Variants in HSPA2 observed in about 807,000 individuals in gnomAD.
The protein encoded by HSPA2 is heat shock-related 70 kDa protein 2.
Under a neutral mutation model 35.0 loss-of-function variants are expected in HSPA2, and 13 were observed. That is an observed-to-expected ratio of 0.37 (90% CI 0.24 to 0.59). The LOEUF (loss-of-function observed/expected upper bound fraction) is 0.59, where lower values mean the gene tolerates loss of function less well. HSPA2 is among the 20% of genes least tolerant of loss of function. The pLI, the probability that HSPA2 is intolerant of heterozygous loss-of-function variation, is 0.70. For synonymous variants in HSPA2, 368 were observed against 382.1 expected (o/e 0.96, Z 0.43); for missense variants, 565 against 885.4 (o/e 0.64, Z 4.59).
chr14:64,541,280 T>C lies in HSPA2; in HGVS notation c.431T>C (p.Val144Ala), dbSNP rs1313063349. 1 of 1,613,610 alleles carries C rather than the reference T, an allele frequency of 6.2e-7. No homozygotes were observed. Among genetic ancestry groups the C allele is most frequent in the Non-Finnish European group, 8.5e-7 (1 of 1,180,026 alleles). Residue 144 changes from valine (V) to alanine (A), a missense_variant, in exon 1 of 1, where the codon GTC (valine) becomes GCC (alanine). By Grantham distance (64) the Val-to-Ala change is moderately conservative (BLOSUM62 0). Around this residue, in one of 4 missense-constraint regions of HSPA2, gnomAD observed 183 missense variants for 281.6 expected, o/e 0.65. Coordinates refer to ENST00000247207, the MANE Select transcript of HSPA2 (RefSeq NM_021979.4). ...CTGGGGGGCAAGGTGCACAGCGCGG[T>C]CATAACGGTCCCGGCCTATTTCAAC... ...AYLGGKVHSAVITVPAYFNDS... is the reference protein window; with the variant it reads ...AYLGGKVHSAAITVPAYFNDS...
Position 64,541,623 on chromosome 14 carries a change from C to T in HSPA2, c.774C>T (p.Pro258=). 1 of 1,611,338 alleles carries T rather than the reference C, an allele frequency of 6.2e-7. No homozygotes were observed. Among genetic ancestry groups the T allele is most frequent in the Non-Finnish European group, 8.5e-7 (1 of 1,179,852 alleles). ...GCAAGCACAAGAAGGACATTGGGCC[C>T]AACAAGCGCGCCGTGAGGCGGCTGC... ...FKRKHKKDIG[P]NKRAVRRLRT... Residue 258 remains proline (P), a synonymous_variant, in exon 1 of 1, where the codon CCC becomes CCT. Coordinates refer to ENST00000247207, the MANE Select transcript of HSPA2 (RefSeq NM_021979.4).
At chr14:64,536,618 G>T (rs1174168641), upstream of HSPA2, among the ~76,000 whole-genome samples, 3 of 152,082 alleles carry the variant, frequency 2.0e-5, no homozygotes, top group East Asian at 5.8e-4. Context: ...AAATTAGCCG[G>T]GCTTGGTGGT....
chr14:64,541,420 T>C lies in HSPA2; in HGVS notation c.571T>C (p.Cys191Arg). ...CGCCTACGGCCTGGACAAGAAGGGC[T>C]GCGCGGGCGGCGAGAAGAACGTGCT... ...AIAYGLDKKG[C>R]AGGEKNVLIF... Residue 191 changes from cysteine to arginine, a missense_variant, in exon 1 of 1, where the codon TGC (cysteine) becomes CGC (arginine). By Grantham distance (180) the Cys-to-Arg change is radical. This residue lies in a region of HSPA2 where 183 missense variants were observed against 281.6 expected (regional missense o/e 0.65). Coordinates refer to ENST00000247207, the MANE Select transcript of HSPA2 (RefSeq NM_021979.4). 1 of 1,613,316 alleles carries C rather than the reference T, an allele frequency of 6.2e-7. No individual in the cohort carries two copies. Among genetic ancestry groups the C allele is most frequent in the African/African-American group, 1.3e-5 (1 of 74,942 alleles).
In HSPA2 at chr14:64,541,256, T is replaced by TG. The variant is rs1230895695; in HGVS notation, c.413dup (p.Lys139GlnfsTer64). On this transcript the variant is annotated frameshift_variant, in exon 1 of 1. Transcript: ENST00000247207. LOFTEE classifies it high-confidence loss of function. ...ATGAAGGAGATCGCGGAAGCCTACC[T>TG]GGGGGGCAAGGTGCACAGCGCGGTC... 6.2e-6 allele frequency: 10 copies of TG among 1,613,728 alleles called. No individual in the cohort carries two copies. The highest frequency in any genetic ancestry group is 8.5e-6 in the Non-Finnish European group (10 of 1,180,012).
At chr14:64,540,593 G>C (rs1426601773), upstream of HSPA2, 7 of 548,466 alleles carry the variant, frequency 1.3e-5, no homozygotes, top group African/African-American at 7.6e-5. Flanking sequence ...CGTCCAACTT[G>C]AAATCTGTTG....
upstream of HSPA2, chr14:64,540,596 A>C (rs2140203382): frequency 3.7e-6 from 2 of 545,836 alleles, no homozygotes; most frequent in East Asian, 3.2e-5. Flanking sequence ...CCAACTTGAA[A>C]TCTGTTGGGT....
rs144431919 is a variant in HSPA2 at position 64,542,558 on chromosome 14, A to G, written c.1709A>G (p.Lys570Arg). The change falls in exon 1 of 1, where the codon AAA (lysine) becomes AGA (arginine). Residue 570 changes from lysine to arginine, a missense_variant. Lys to Arg is a conservative substitution (Grantham distance 26). Coordinates refer to ENST00000247207, the MANE Select transcript of HSPA2 (RefSeq NM_021979.4). The surrounding 1 kb of genome is among the most constrained non-coding windows in gnomAD (Gnocchi z 5.7). ...KLRGKISEQD[K>R]NKILDKCQEV... ...AGGGGCAAGATTAGCGAGCAGGACA[A>G]AAACAAGATCCTCGACAAGTGTCAG... 421 of 1,613,768 alleles carry G rather than the reference A, an allele frequency of 2.6e-4. No homozygotes were observed. The African/African-American group carries it at 4.8e-3, about 19-fold the overall frequency.
upstream of HSPA2, among the ~76,000 whole-genome samples, chr14:64,538,536 C>G (rs1156524053): frequency 6.6e-6 from 1 of 152,244 alleles, no homozygotes; most frequent in East Asian, 1.9e-4. Flanking sequence ...CTTTCCTACT[C>G]TTTGCTGGCG....
chr14:64,537,830 C>T (rs2079991026), upstream of HSPA2, among the ~76,000 whole-genome samples: 1 of 151,206 alleles, frequency 6.6e-6, no homozygotes, highest in East Asian at 2.0e-4. Flanking sequence ...CGGATTCAAG[C>T]AATCCTCTGC....
upstream of HSPA2, among the ~76,000 whole-genome samples, chr14:64,537,556 G>A (rs1225860629): frequency 1.4e-5 from 2 of 145,064 alleles, no homozygotes; most frequent in Admixed American, 1.4e-4. Flanking sequence ...CTCCAGCCTG[G>A]CGACAGAACA....
At position 64,541,130 on chromosome 14, in the gene HSPA2, G is replaced by A. The variant is rs11551981; in HGVS notation, c.281G>A (p.Arg94Gln). 3 of 1,614,068 alleles carry A rather than the reference G, an allele frequency of 1.9e-6. No individual in the cohort carries two copies. In the African/African-American group the frequency reaches 4.0e-5, roughly 22 times the overall value. Residue 94 changes from arginine (R) to glutamine (Q), a missense_variant, in exon 1 of 1, where the codon CGG (arginine) becomes CAG (glutamine). Physicochemically the swap from Arg to Gln is conservative, Grantham distance 43. This residue lies in a region of HSPA2 where 183 missense variants were observed against 281.6 expected (regional missense o/e 0.65). Coordinates refer to ENST00000247207, the MANE Select transcript of HSPA2 (RefSeq NM_021979.4). The part of the protein sequence containing the change: ...VQSDMKHWPF[R>Q]VVSEGGKPKV... ...TCGGATATGAAACACTGGCCGTTCC[G>A]GGTGGTGAGCGAGGGAGGCAAGCCC... is the stretch of plus-strand genomic sequence containing the variant.
chr14:64,536,248 C>A (rs965367641), upstream of HSPA2, among the ~76,000 whole-genome samples: 1 of 152,024 alleles, frequency 6.6e-6, no homozygotes. Flanking sequence ...AACATTTTTC[C>A]GTGTCATTAA....
rs558720806 is a variant in HSPA2 at position 64,540,778 on chromosome 14, G to A, written c.-72G>A. 171 of 1,575,990 alleles carry A rather than the reference G, an allele frequency of 1.1e-4. 1 individual carries two copies. In the Admixed American group the frequency reaches 1.6e-3, roughly 15 times the overall value. ...GTGCCCGTGGTGCTTGGTTCGAGGT[G>A]GCCGTTAGTTGACTCCGCGGAGTTC... On this transcript the variant is annotated 5_prime_UTR_variant, in exon 1 of 1. Transcript: ENST00000247207.
chr14:64,540,077 C>A (rs1415516034), upstream of HSPA2, among the ~76,000 whole-genome samples: 1 of 152,254 alleles, frequency 6.6e-6, no homozygotes, highest in African/African-American at 2.4e-5. Context: ...CAGACTTTTT[C>A]TTTTCTTTAA....
At position 64,542,533 on chromosome 14, in the gene HSPA2, AGG is replaced by A; in HGVS notation, c.1687_1688del (p.Gly563GlnfsTer3). On this transcript the variant is annotated frameshift_variant, in exon 1 of 1. Transcript: ENST00000247207. LOFTEE classifies it high-confidence loss of function. The surrounding 1 kb of genome is among the most constrained non-coding windows in gnomAD (Gnocchi z 5.7). ...GCAGACGGTGGAAGACGAGAAACTGAGGGGCAAGATTAGCGAGCAGGACAAAA... is the reference window on the plus strand; with the variant it reads ...GCAGACGGTGGAAGACGAGAAACTGAGGCAAGATTAGCGAGCAGGACAAAA... ...IKQTVEDEKLRGKISEQDKNK... is the reference protein window; with the variant it reads ...IKQTVEDEKLXGKISEQDKNK... The A allele has an allele frequency of 6.2e-7, 1 of 1,613,526 alleles. No homozygotes were observed. The highest frequency in any genetic ancestry group is 8.5e-7 in the Non-Finnish European group (1 of 1,179,978).
chr14:64,542,480 C>A lies in HSPA2; in HGVS notation c.1631C>A (p.Ala544Asp), dbSNP rs1431956977. ...CGCGACCGAGTCGCGGCCAAAAACG[C>A]CCTGGAGTCCTATACCTACAACATC... The part of the protein sequence containing the change: ...ANRDRVAAKN[A>D]LESYTYNIKQ... The change falls in exon 1 of 1, where the codon GCC becomes GAC. Residue 544 changes from alanine to aspartate, a missense_variant. Around this residue, in one of 4 missense-constraint regions of HSPA2, gnomAD observed 147 missense variants for 166.7 expected, o/e 0.88. Coordinates refer to ENST00000247207, the MANE Select transcript of HSPA2 (RefSeq NM_021979.4). This position sits in a 1 kb window ranked among gnomAD's most constrained non-coding sequence, Gnocchi z 5.7. 6.2e-7 allele frequency: 1 copy of A among 1,613,486 alleles called. No individual in the cohort carries two copies. Among genetic ancestry groups the A allele is most frequent in the East Asian group, 2.2e-5 (1 of 44,810 alleles).
Position 64,543,172 on chromosome 14 carries a change from C to T in HSPA2, c.*403C>T, listed in dbSNP as rs554727832. 4.7e-6 allele frequency: 1 copy of T among 211,888 alleles called. No individual in the cohort carries two copies. Among genetic ancestry groups the T allele is most frequent in the African/African-American group, 2.4e-5 (1 of 42,276 alleles). The allele number at this position is 211,888 out of a possible 1,614,324, so 13.1% of individuals were successfully genotyped here. A position where few individuals can be genotyped will look rare whatever the true frequency, so the allele number is the denominator to read the frequency against. On this transcript the variant is annotated 3_prime_UTR_variant, in exon 1 of 1. Transcript: ENST00000247207. ...CTGAACATTGCAGTAATGTTAAGGA[C>T]AGGTATACTTTTTGCAAACAAATGC...
chr14:64,542,143 A>T lies in HSPA2; in HGVS notation c.1294A>T (p.Thr432Ser), dbSNP rs2080038763. ...TIPTKQTQTF[T>S]TYSDNQSSVL... is the part of the protein sequence containing the mutation. ...CCCCACCAAGCAGACGCAGACCTTC[A>T]CCACCTACTCGGACAACCAGAGCAG... Residue 432 changes from threonine (T) to serine (S), a missense_variant, in exon 1 of 1, where the codon ACC (threonine) becomes TCC (serine). By Grantham distance (58) the Thr-to-Ser change is moderately conservative (BLOSUM62 1). Around this residue, in one of 4 missense-constraint regions of HSPA2, gnomAD observed 234 missense variants for 419.0 expected, o/e 0.56. Transcript: ENST00000247207. This position sits in a 1 kb window ranked among gnomAD's most constrained non-coding sequence, Gnocchi z 5.7. The T allele has an allele frequency of 6.2e-7, 1 of 1,613,582 alleles. No homozygotes were observed. Among genetic ancestry groups the T allele is most frequent in the Non-Finnish European group, 8.5e-7 (1 of 1,179,978 alleles).
chr14:64,542,161 C>T lies in HSPA2; in HGVS notation c.1312C>T (p.Gln438Ter). ...GACCTTCACCACCTACTCGGACAACCAGAGCAGCGTACTGGTGCAGGTATA... is the reference window on the plus strand; with the variant it reads ...GACCTTCACCACCTACTCGGACAACTAGAGCAGCGTACTGGTGCAGGTATA... ...TQTFTTYSDN[Q>*]SSVLVQVYEG... Residue 438 changes from glutamine to a stop codon, truncating the protein, a stop_gained, in exon 1 of 1, where the codon CAG becomes TAG. Transcript: ENST00000247207. LOFTEE classifies it high-confidence loss of function. This position sits in a 1 kb window ranked among gnomAD's most constrained non-coding sequence, Gnocchi z 5.7. 6.2e-7 allele frequency: 1 copy of T among 1,613,842 alleles called. No homozygotes were observed. The highest frequency in any genetic ancestry group is 8.5e-7 in the Non-Finnish European group (1 of 1,180,032).
Sources: gnomAD v4.1 joint callset for allele counts (sites outside exome capture counted in the v4.1 genomes callset) on GRCh38, gnomAD v4.1.1 for gene constraint, gnomAD v4.1.1 regional missense constraint, Gnocchi (gnomAD v3.1) non-coding constraint, MANE v1.5 for transcripts, NCBI Gene and HGNC (gene_info 2026-07-23, HGNC 2026-07-21) for gene names.